Variants in STPG2 observed in about 807,000 individuals in gnomAD.
STPG2 encodes the protein sperm-tail PG-rich repeat-containing protein 2.
In STPG2, 56 loss-of-function variants were observed where a neutral mutation model predicts 54.2. That is an observed-to-expected ratio of 1.03 (90% CI 0.83 to 1.29). STPG2 has a LOEUF of 1.29. Among genes scored for constraint, STPG2 ranks in the 50% most tolerant of loss-of-function variants. The pLI, the probability that STPG2 is intolerant of heterozygous loss-of-function variation, is 0.00. For missense variants in STPG2, 596 were observed against 544.9 expected (o/e 1.09, Z -0.93); for synonymous variants, 200 against 181.8 (o/e 1.10, Z -0.81).
intron 8 of STPG2, among the ~76,000 whole-genome samples, chr4:97,939,105 T>A (rs149826389): frequency 2.6e-4 from 39 of 152,342 alleles, no homozygotes; most frequent in African/African-American, 8.9e-4. Context: ...AATTTCCATA[T>A]AATTGCATGA....
chr4:98,115,668 G>T (rs1739496515), intron 3 of STPG2, among the ~76,000 whole-genome samples: 2 of 151,790 alleles, frequency 1.3e-5, no homozygotes, highest in African/African-American at 2.4e-5. Flanking sequence ...CCCACATATA[G>T]TATTAAATAT....
intron 5 of STPG2, among the ~76,000 whole-genome samples, chr4:98,010,600 G>A (rs1035868280): frequency 2.0e-5 from 3 of 152,128 alleles, no homozygotes; most frequent in African/African-American, 7.2e-5. Context: ...CACTATATGT[G>A]TTTTGGTTGA....
intron 5 of STPG2, among the ~76,000 whole-genome samples, chr4:98,075,911 C>G (rs1031839160): frequency 2.6e-5 from 4 of 152,108 alleles, no homozygotes; most frequent in African/African-American, 9.7e-5. Context: ...CCTTTAAAAT[C>G]TTCGAGAAGA....
At chr4:97,545,906 A>G (rs1183368387) in intron 4 of STPG2, among the ~76,000 whole-genome samples, 1 of 152,132 alleles carries the variant, frequency 6.6e-6, no homozygotes, top group Non-Finnish European at 1.5e-5. Context: ...CTCTTTGTGC[A>G]ATTCCATGAA....
chr4:97,583,370 T>C (rs1322254670), intron 10 of STPG2, among the ~76,000 whole-genome samples: 1 of 151,986 alleles, frequency 6.6e-6, no homozygotes, highest in Non-Finnish European at 1.5e-5. Flanking sequence ...AGTAGAGAAC[T>C]AGTCTCATCA....
intron 10 of STPG2, among the ~76,000 whole-genome samples, chr4:97,600,751 C>T (rs949053286): frequency 3.3e-5 from 5 of 151,990 alleles, no homozygotes; most frequent in Non-Finnish European, 7.4e-5. Flanking sequence ...TCAAAAATAG[C>T]GCAATAGTTT....
chr4:98,059,858 C>T (rs945153713), intron 5 of STPG2, among the ~76,000 whole-genome samples: 4 of 152,072 alleles, frequency 2.6e-5, no homozygotes, highest in African/African-American at 9.7e-5. Context: ...TGATAAAATT[C>T]AATACCCCTT....
chr4:98,087,560 C>CTTTTTTTTTT (rs70955916), intron 5 of STPG2, among the ~76,000 whole-genome samples: 1 of 132,284 alleles, frequency 7.6e-6, no homozygotes, highest in South Asian at 2.3e-4. Flanking sequence ...CTCTTTTTTT[C>CTTTTTTTTTT]TTTTTTTTTT....
chr4:98,120,270 G>A (rs1175725693), intron 3 of STPG2, among the ~76,000 whole-genome samples: 4 of 151,896 alleles, frequency 2.6e-5, no homozygotes, highest in Admixed American at 6.6e-5. Context: ...TAGTAGAGAC[G>A]GGGTTTCACC....
intron 7 of STPG2, among the ~76,000 whole-genome samples, chr4:97,947,965 T>C (rs1733303439): frequency 6.6e-6 from 1 of 152,140 alleles, no homozygotes; most frequent in Non-Finnish European, 1.5e-5. Flanking sequence ...TTTGTAATAG[T>C]TTCACCAGTA....
intron 4 of STPG2, among the ~76,000 whole-genome samples, chr4:97,553,253 G>GT (rs1353794916): frequency 3.3e-5 from 5 of 151,948 alleles, no homozygotes; most frequent in South Asian, 4.2e-4. Context: ...AATTGTTTTT[G>GT]TTTTTTTCTA....
At chr4:97,649,311 T>C (rs1287124245) in intron 10 of STPG2, among the ~76,000 whole-genome samples, 1 of 152,256 alleles carries the variant, frequency 6.6e-6, no homozygotes, top group East Asian at 1.9e-4. Context: ...TATAATAATA[T>C]TAACATTTAA....
chr4:97,715,360 T>C (rs1724252887), intron 9 of STPG2, among the ~76,000 whole-genome samples: 1 of 152,136 alleles, frequency 6.6e-6, no homozygotes, highest in Non-Finnish European at 1.5e-5. Flanking sequence ...GCCTGAATCA[T>C]GGCTAGTGTA....
rs1553942953 is a variant in STPG2, at chr4:97,616,092, ATATG to A, written c.1321-56979_1321-56976del. ...TATATATATATATATATATATATATATATGTATGTATATTTAATAGTAAGACAAA... is the reference window on the plus strand; with the variant it reads ...TATATATATATATATATATATATATATATGTATATTTAATAGTAAGACAAA... On this transcript the variant is annotated intron_variant, in intron 10 of 10. Coordinates refer to ENST00000295268, the MANE Select transcript of STPG2 (RefSeq NM_174952.3). Among the ~76,000 whole-genome samples the A allele has an allele frequency of 9.5e-5, 6 of 63,294 alleles. No homozygotes were observed. In the East Asian group the frequency reaches 1.3e-3, roughly 14 times the overall value. The allele number at this position is 63,294 out of a possible 152,430, so 41.5% of individuals were successfully genotyped here. A position where few individuals can be genotyped will look rare whatever the true frequency, so the allele number is the denominator to read the frequency against.
intron 5 of STPG2, among the ~76,000 whole-genome samples, chr4:98,076,079 C>G (rs1738156152): frequency 6.6e-6 from 1 of 151,990 alleles, no homozygotes; most frequent in African/African-American, 2.4e-5. Flanking sequence ...TCCATCTCTA[C>G]TAAAAATACA....
intron 8 of STPG2, among the ~76,000 whole-genome samples, chr4:97,860,789 C>T (rs1729505612): frequency 6.6e-6 from 1 of 152,050 alleles, no homozygotes; most frequent in African/African-American, 2.4e-5. Flanking sequence ...TCTGATTTCT[C>T]TGGCTAAAAT....
At chr4:97,560,477 CT>C (rs1312041899) in intron 10 of STPG2, among the ~76,000 whole-genome samples, 2 of 152,112 alleles carry the variant, frequency 1.3e-5, no homozygotes, top group African/African-American at 4.8e-5. Flanking sequence ...ACTAGGTACT[CT>C]TTGTAAATGT....
At chr4:97,773,388 T>C (rs899742612) in intron 9 of STPG2, among the ~76,000 whole-genome samples, 3 of 152,170 alleles carry the variant, frequency 2.0e-5, no homozygotes, top group Non-Finnish European at 4.4e-5. Flanking sequence ...GGTGGAATCA[T>C]AGCTCGCTGC....
chr4:98,094,950 C>T (rs919380547), intron 5 of STPG2, among the ~76,000 whole-genome samples: 1 of 151,806 alleles, frequency 6.6e-6, no homozygotes, highest in Non-Finnish European at 1.5e-5. Context: ...AGTATAAAGA[C>T]CAAATGATGA....
Sources: gnomAD v4.1 joint callset for allele counts (sites outside exome capture counted in the v4.1 genomes callset) on GRCh38, gnomAD v4.1.1 for gene constraint, MANE v1.5 for transcripts, NCBI Gene and HGNC (gene_info 2026-07-23, HGNC 2026-07-21) for gene names.